Variants in PARD3B observed in about 807,000 individuals in gnomAD.
The protein encoded by PARD3B is partitioning defective 3 homolog B.
A neutral mutation model predicts 130.2 loss-of-function variants in PARD3B; 103 were observed. The observed-to-expected ratio is 0.79, with a 90% CI of 0.67 to 0.93. The LOEUF (loss-of-function observed/expected upper bound fraction) is 0.93. PARD3B is among the 40% of genes least tolerant of loss of function. PARD3B has a pLI of 0.00. For missense variants in PARD3B, 1,609 were observed against 1,499.2 expected, an observed-to-expected ratio of 1.07 and a Z score of -1.21; for synonymous variants, 583 against 553.2, an observed-to-expected ratio of 1.05 and a Z score of -0.76.
chr2:204,792,537 T>G (rs1338793876), intron 2 of PARD3B, among the ~76,000 whole-genome samples: 2 of 151,774 alleles, frequency 1.3e-5, no homozygotes, highest in African/African-American at 4.9e-5. Context: ...CCCTTTCAAG[T>G]AAGACCATTT....
chr2:204,723,525 T>G (rs1185981409), intron 2 of PARD3B, among the ~76,000 whole-genome samples: 1 of 152,322 alleles, frequency 6.6e-6, no homozygotes, highest in African/African-American at 2.4e-5. Flanking sequence ...AATCAATTTC[T>G]TAATGCTTTA....
At chr2:204,712,864 T>C (rs1342746933) in intron 2 of PARD3B, among the ~76,000 whole-genome samples, 2 of 152,146 alleles carry the variant, frequency 1.3e-5, no homozygotes, top group African/African-American at 4.8e-5. Flanking sequence ...ATTGGTATTA[T>C]AGAATATTCC....
At chr2:204,957,741 G>A (rs906393378) in intron 2 of PARD3B, among the ~76,000 whole-genome samples, 1 of 152,078 alleles carries the variant, frequency 6.6e-6, no homozygotes, top group Middle Eastern at 3.2e-3. Context: ...ACAAGCAGAT[G>A]CACACATACA....
chr2:205,334,882 T>C (rs1213198429), intron 18 of PARD3B, among the ~76,000 whole-genome samples: 3 of 152,354 alleles, frequency 2.0e-5, no homozygotes, highest in East Asian at 3.9e-4. Context: ...ATGTGTCTTT[T>C]ACCTAAGGCA....
rs534400675 is a variant in PARD3B at position 205,274,500 on chromosome 2, T to C, written c.2186-26030T>C. On this transcript the variant is annotated intron_variant, in intron 16 of 22. Coordinates refer to ENST00000406610, the MANE Select transcript of PARD3B (RefSeq NM_001302769.2). The surrounding 1 kb of genome is among the most constrained non-coding windows in gnomAD (Gnocchi z 4.2). ...TGCAATATTTATTATTAAACATTAA[T>C]TATTAAATATGAATAGTATTAAATG... Among the ~76,000 whole-genome samples the C allele has an allele frequency of 3.6e-4, 54 of 150,160 alleles. No individual in the cohort carries two copies. Among genetic ancestry groups the C allele is most frequent in the African/African-American group, 1.3e-3 (54 of 40,978 alleles).
chr2:205,096,417 A>G (rs1248539286), intron 4 of PARD3B, among the ~76,000 whole-genome samples: 1 of 152,170 alleles, frequency 6.6e-6, no homozygotes, highest in Non-Finnish European at 1.5e-5. Flanking sequence ...TATTAAACCT[A>G]TGAAAATCAT....
intron 20 of PARD3B, among the ~76,000 whole-genome samples, chr2:205,449,166 C>CAAAA (rs757916003): frequency 2.0e-5 from 1 of 50,236 alleles, no homozygotes; most frequent in African/African-American, 7.4e-5. Context: ...AACTCCATCT[C>CAAAA]AAAAAAAAAA....
intron 21 of PARD3B, among the ~76,000 whole-genome samples, chr2:205,551,085 A>G (rs2052625042): frequency 6.6e-6 from 1 of 150,866 alleles, no homozygotes; most frequent in African/African-American, 2.4e-5. Flanking sequence ...TATTATCATT[A>G]TGCCAGGACA....
Position 205,158,212 on chromosome 2 carries a change from T to G in PARD3B, c.1435-510T>G, listed in dbSNP as rs1032252721. Among the ~76,000 whole-genome samples, 5 of 152,210 alleles carry G rather than the reference T, an allele frequency of 3.3e-5. No individual in the cohort carries two copies. The highest frequency in any genetic ancestry group is 5.9e-5 in the Non-Finnish European group (4 of 68,028). On this transcript the variant is annotated intron_variant, in intron 10 of 22. Transcript: ENST00000406610. The surrounding 1 kb of genome is among the most constrained non-coding windows in gnomAD (Gnocchi z 5.4). ...TTTTTACTGTGTCTTATTAACAAAC[T>G]TTACCAATAGTGTTGTTTCCATAGT...
At chr2:205,188,309 G>A (rs1009239250) in intron 14 of PARD3B, among the ~76,000 whole-genome samples, 1 of 152,204 alleles carries the variant, frequency 6.6e-6, no homozygotes, top group African/African-American at 2.4e-5. Flanking sequence ...TGTGGCTAAA[G>A]CTTGTGGTAT....
At chr2:205,331,597 C>G (rs1173908003) in intron 18 of PARD3B, among the ~76,000 whole-genome samples, 1 of 151,750 alleles carries the variant, frequency 6.6e-6, no homozygotes, top group Non-Finnish European at 1.5e-5. Flanking sequence ...GGCTGGCCAA[C>G]ATGACAAAAC....
chr2:205,178,142 C>CAAAAA (rs1430577160), intron 13 of PARD3B, among the ~76,000 whole-genome samples: 1 of 18,454 alleles, frequency 5.4e-5, no homozygotes, highest in Admixed American at 1.0e-3. Flanking sequence ...CCCATCTGTA[C>CAAAAA]TAAAAAAAAA....
intron 2 of PARD3B, among the ~76,000 whole-genome samples, chr2:204,963,352 T>C (rs1690920878): frequency 6.6e-6 from 1 of 152,196 alleles, no homozygotes; most frequent in South Asian, 2.1e-4. Context: ...TTCTAGTTGA[T>C]GTTCTATTTT....
Position 205,470,154 on chromosome 2 carries a change from A to G in PARD3B, c.3044+29482A>G, listed in dbSNP as rs1314065628. Among the ~76,000 whole-genome samples the G allele has an allele frequency of 6.6e-6, 1 of 152,178 alleles. No individual in the cohort carries two copies. The highest frequency in any genetic ancestry group is 2.4e-5 in the African/African-American group (1 of 41,448). ...ATCTCAGCATTTTTTTTCCAGTTCCAAAATTATATGGTTCTGCAATTCTTT... is the reference window on the plus strand; with the variant it reads ...ATCTCAGCATTTTTTTTCCAGTTCCGAAATTATATGGTTCTGCAATTCTTT... On this transcript the variant is annotated intron_variant, in intron 20 of 22. Coordinates refer to ENST00000406610, the MANE Select transcript of PARD3B (RefSeq NM_001302769.2). This position sits in a 1 kb window ranked among gnomAD's most constrained non-coding sequence, Gnocchi z 4.8.
chr2:205,103,254 C>CATTTTATATTTATGTAAAATAAACAT (rs1702932706), intron 4 of PARD3B, among the ~76,000 whole-genome samples: 1 of 76,668 alleles, frequency 1.3e-5, no homozygotes, highest in South Asian at 4.0e-4. Context: ...ATGTAAAAAA[C>CATTTTATATTTATGTAAAATAAACAT]ATTTTATATT....
chr2:205,188,773 T>G (rs1272018562), intron 14 of PARD3B, among the ~76,000 whole-genome samples: 2 of 134,072 alleles, frequency 1.5e-5, no homozygotes, highest in Non-Finnish European at 3.2e-5. Flanking sequence ...CTCTCCTGCC[T>G]TCTGCCTTTC....
intron 1 of PARD3B, among the ~76,000 whole-genome samples, chr2:204,679,082 G>A (rs2036698810): frequency 6.6e-6 from 1 of 152,088 alleles, no homozygotes; most frequent in Admixed American, 6.5e-5. Flanking sequence ...CTCTTTTTAT[G>A]CAATTTCATG....
intron 3 of PARD3B, among the ~76,000 whole-genome samples, chr2:205,018,738 A>AAAAAAAAAAAAAAAAAAAAAAAAC (rs1696356986): frequency 6.7e-6 from 1 of 149,230 alleles, no homozygotes; most frequent in African/African-American, 2.5e-5. Flanking sequence ...AAAAAAAAAA[A>AAAAAAAAAAAAAAAAAAAAAAAAC]AAAAAAAAAA....
chr2:205,230,143 C>T lies in PARD3B; in HGVS notation c.2141-15635C>T, dbSNP rs117479597. Among the ~76,000 whole-genome samples the T allele has an allele frequency of 1.6e-4, 25 of 152,082 alleles. No homozygotes were observed. In the East Asian group the frequency reaches 4.3e-3, roughly 26 times the overall value. The stretch of plus-strand genomic sequence containing the variant: ...ACCCGCTTTGTGCTCTATACCACTA[C>T]GGCTGAGCTGGTACCTAAGGTGCAA... On this transcript the variant is annotated intron_variant, in intron 15 of 22. Coordinates refer to ENST00000406610, the MANE Select transcript of PARD3B (RefSeq NM_001302769.2). The surrounding 1 kb of genome is among the most constrained non-coding windows in gnomAD (Gnocchi z 4.1).
Sources: allele counts gnomAD v4.1 joint callset (sites outside exome capture counted in the v4.1 genomes callset), GRCh38; gene constraint gnomAD v4.1.1; non-coding constraint Gnocchi (gnomAD v3.1); transcripts MANE v1.5; gene names NCBI Gene and HGNC (gene_info 2026-07-23, HGNC 2026-07-21).